Variants in RAB38 observed in about 807,000 individuals in gnomAD.
RAB38 encodes ras-related protein Rab-38.
Under a neutral mutation model 18.4 loss-of-function variants are expected in RAB38, and 15 were observed. That is an observed-to-expected ratio of 0.82 (90% CI 0.55 to 1.26). RAB38 has a LOEUF of 1.26. Among genes scored for constraint, RAB38 ranks in the 50% most tolerant of loss-of-function variants. RAB38 has a pLI of 0.00. For missense variants in RAB38, 294 were observed against 267.4 expected, an observed-to-expected ratio of 1.10 and a Z score of -0.69; for synonymous variants, 101 against 104.4, an observed-to-expected ratio of 0.97 and a Z score of 0.20.
intron 2 of RAB38, among the ~76,000 whole-genome samples, chr11:88,120,360 T>C (rs996233417): frequency 3.3e-5 from 5 of 152,210 alleles, no homozygotes; most frequent in African/African-American, 9.6e-5. Flanking sequence ...TTAGAGTCTA[T>C]GGCCTACATT....
chr11:88,095,417 C>T, the RAB38 span, among the ~76,000 whole-genome samples: 1 of 151,842 alleles, frequency 6.6e-6, no homozygotes, highest in Non-Finnish European at 1.5e-5. Flanking sequence ...TATCAGCAGC[C>T]TTTGATGTAG....
At chr11:87,814,319 A>G in the RAB38 span, among the ~76,000 whole-genome samples, 3 of 152,204 alleles carry the variant, frequency 2.0e-5, no homozygotes, top group Non-Finnish European at 2.9e-5. Flanking sequence ...GTATGAGTCA[A>G]TGTCCATGTT....
At chr11:87,928,770 A>T in the RAB38 span, among the ~76,000 whole-genome samples, 1 of 152,092 alleles carries the variant, frequency 6.6e-6, no homozygotes, top group East Asian at 1.9e-4. Flanking sequence ...GAAAATAAAA[A>T]GAATAAGTAA....
the RAB38 span, among the ~76,000 whole-genome samples, chr11:87,967,305 G>A: frequency 6.6e-6 from 1 of 152,146 alleles, no homozygotes; most frequent in Non-Finnish European, 1.5e-5. Flanking sequence ...GAGCAAAACA[G>A]CTGAATAAAT....
the RAB38 span, among the ~76,000 whole-genome samples, chr11:88,035,936 T>G: frequency 6.6e-6 from 1 of 152,044 alleles, no homozygotes; most frequent in South Asian, 2.1e-4. Context: ...TTCAAACCAC[T>G]GCTTTTAAAA....
the RAB38 span, among the ~76,000 whole-genome samples, chr11:87,963,630 T>C: frequency 6.6e-6 from 1 of 151,466 alleles, no homozygotes; most frequent in Non-Finnish European, 1.5e-5. Context: ...TAGCTAAATA[T>C]GGCTGTATAT....
At chr11:88,147,617 G>A (rs1268372808) in intron 2 of RAB38, among the ~76,000 whole-genome samples, 2 of 151,748 alleles carry the variant, frequency 1.3e-5, no homozygotes, top group Non-Finnish European at 2.9e-5. Context: ...AAACAGCCGG[G>A]TGCGGTGGCT....
chr11:88,072,757 AG>A, the RAB38 span, among the ~76,000 whole-genome samples: 1 of 152,160 alleles, frequency 6.6e-6, no homozygotes, highest in African/African-American at 2.4e-5. Context: ...ACATTACCAA[AG>A]AAAAAAATAT....
intron 2 of RAB38, among the ~76,000 whole-genome samples, chr11:88,121,334 G>A (rs7109574): frequency 0.78 from 118,447 of 152,096 alleles, 46,882 homozygotes; most frequent in Non-Finnish European, 0.87. Flanking sequence ...ATAACTTATT[G>A]TAAGCCTGAT....
At chr11:87,809,947 A>C in the RAB38 span, among the ~76,000 whole-genome samples, 3 of 124,408 alleles carry the variant, frequency 2.4e-5, no homozygotes, top group African/African-American at 9.9e-5. Flanking sequence ...AGTAATAAAA[A>C]GCAGATATTA....
intron 2 of RAB38, among the ~76,000 whole-genome samples, chr11:88,121,971 GAACA>G (rs1481982232): frequency 6.6e-6 from 1 of 152,138 alleles, no homozygotes; most frequent in African/African-American, 2.4e-5. Flanking sequence ...CAAAAGTTAC[GAACA>G]AACAGTCCAC....
chr11:88,137,736 A>G (rs1942854102), intron 2 of RAB38, among the ~76,000 whole-genome samples: 1 of 152,228 alleles, frequency 6.6e-6, no homozygotes, highest in African/African-American at 2.4e-5. Context: ...AAAGGTTTAT[A>G]TAAAGCACAG....
intron 2 of RAB38, among the ~76,000 whole-genome samples, chr11:88,138,986 G>T (rs1942871525): frequency 6.6e-6 from 1 of 151,882 alleles, no homozygotes; most frequent in Admixed American, 6.6e-5. Flanking sequence ...GTGTTTCACT[G>T]TGTTAGCCAG....
chr11:87,960,520 T>A, the RAB38 span, among the ~76,000 whole-genome samples: 1 of 152,142 alleles, frequency 6.6e-6, no homozygotes, highest in African/African-American at 2.4e-5. Context: ...TTATTGTGTG[T>A]CATGCACTGT....
the RAB38 span, among the ~76,000 whole-genome samples, chr11:87,809,718 A>G: frequency 1.3e-5 from 2 of 152,172 alleles, no homozygotes; most frequent in African/African-American, 2.4e-5. Context: ...GGGAAGATAA[A>G]TGGTTTATTC....
chr11:87,855,116 T>C, the RAB38 span, among the ~76,000 whole-genome samples: 1 of 152,266 alleles, frequency 6.6e-6, no homozygotes, highest in Admixed American at 6.5e-5. Flanking sequence ...CCTTAATACA[T>C]GAGCCTATTG....
chr11:87,972,415 A>G, the RAB38 span, among the ~76,000 whole-genome samples: 1 of 152,046 alleles, frequency 6.6e-6, no homozygotes, highest in Admixed American at 6.6e-5. Context: ...CACTTTACAG[A>G]GCACTGACAC....
At chr11:88,138,066 C>A (rs1331123807) in intron 2 of RAB38, among the ~76,000 whole-genome samples, 4 of 151,976 alleles carry the variant, frequency 2.6e-5, no homozygotes, top group Non-Finnish European at 5.9e-5. Flanking sequence ...CAAAACAGGA[C>A]AAATAAATGG....
intron 2 of RAB38, among the ~76,000 whole-genome samples, chr11:88,121,377 C>T (rs984852667): frequency 2.0e-5 from 3 of 152,176 alleles, no homozygotes; most frequent in African/African-American, 7.2e-5. Context: ...AGTTTGTACT[C>T]ACAAAATCAG....
Sources: gnomAD v4.1 joint callset for allele counts (sites outside exome capture counted in the v4.1 genomes callset) on GRCh38, gnomAD v4.1.1 for gene constraint, MANE v1.5 for transcripts, NCBI Gene and HGNC (gene_info 2026-07-23, HGNC 2026-07-21) for gene names.